Variants in FCHSD2 observed in about 807,000 individuals in gnomAD.
FCHSD2 encodes FCH and double SH3 domains 2, also known as F-BAR and double SH3 domains protein 2.
In FCHSD2, 38 loss-of-function variants were observed where a neutral mutation model predicts 108.1. That is an observed-to-expected ratio of 0.35 (90% CI 0.27 to 0.46). FCHSD2 has a LOEUF of 0.46. Ranked by LOEUF, FCHSD2 falls within the 20% of genes least tolerant of loss-of-function variation. FCHSD2 has a pLI of 1.00. For missense variants in FCHSD2, 751 were observed against 897.8 expected (o/e 0.84, Z 2.09); for synonymous variants, 279 against 314.7 (o/e 0.89, Z 1.20).
intron 4 of FCHSD2, among the ~76,000 whole-genome samples, chr11:73,005,022 T>C (rs1565364379): frequency 6.6e-6 from 1 of 152,238 alleles, no homozygotes; most frequent in South Asian, 2.1e-4. Context: ...ACCTGTGCTC[T>C]GAAGGCCAAC....
intron 3 of FCHSD2, among the ~76,000 whole-genome samples, chr11:73,067,831 C>CA (rs1017553999): frequency 3.3e-5 from 5 of 152,172 alleles, no homozygotes; most frequent in Non-Finnish European, 7.4e-5. Context: ...TTATGAGGTA[C>CA]CTGCATTAGT....
chr11:73,139,582 A>G (rs773388734), intron 2 of FCHSD2, among the ~76,000 whole-genome samples: 3 of 152,324 alleles, frequency 2.0e-5, no homozygotes, highest in Non-Finnish European at 4.4e-5. Flanking sequence ...TTGGCACTCA[A>G]AAACAAAGTT....
At chr11:73,116,446 A>T (rs1860602765) in intron 2 of FCHSD2, among the ~76,000 whole-genome samples, 2 of 152,190 alleles carry the variant, frequency 1.3e-5, no homozygotes, top group Non-Finnish European at 2.9e-5. Context: ...ACATTCCATA[A>T]AATAAGTATT....
At chr11:72,902,982 G>C (rs1217183811) in intron 9 of FCHSD2, among the ~76,000 whole-genome samples, 1 of 152,066 alleles carries the variant, frequency 6.6e-6, no homozygotes, top group African/African-American at 2.4e-5. Flanking sequence ...GAAACACATT[G>C]GTCTTTGCCA....
intron 1 of FCHSD2, 80 bp downstream of exon 1, chr11:73,141,777 G>A: frequency 1.6e-5 from 23 of 1,425,640 alleles, no homozygotes; most frequent in Non-Finnish European, 2.0e-5. Flanking sequence ...GCGGGAGGGG[G>A]AAGGGGCGCA....
At chr11:73,032,213 T>C (rs1858377022) in intron 3 of FCHSD2, among the ~76,000 whole-genome samples, 1 of 152,186 alleles carries the variant, frequency 6.6e-6, no homozygotes, top group African/African-American at 2.4e-5. Context: ...TTATTCTTTA[T>C]ACCACTGGAT....
intron 8 of FCHSD2, among the ~76,000 whole-genome samples, chr11:72,970,557 T>C (rs768258969): frequency 6.6e-6 from 1 of 152,178 alleles, no homozygotes; most frequent in Admixed American, 6.5e-5. Flanking sequence ...ACTTAAAAAC[T>C]ATTGCTAGCA....
At chr11:72,852,903 A>G (rs1861328476) in intron 13 of FCHSD2, among the ~76,000 whole-genome samples, 1 of 152,152 alleles carries the variant, frequency 6.6e-6, no homozygotes, top group East Asian at 1.9e-4. Flanking sequence ...AAAACCAAAT[A>G]CTGCATGTTC....
At chr11:73,096,962 C>G (rs1003293770) in intron 2 of FCHSD2, among the ~76,000 whole-genome samples, 1 of 90,510 alleles carries the variant, frequency 1.1e-5, no homozygotes, top group Non-Finnish European at 2.1e-5. Context: ...CTTCCTCTTA[C>G]TAATGTGATG....
intron 1 of FCHSD2, 105 bp downstream of exon 1, chr11:73,141,752 C>T (rs924827708): frequency 3.3e-6 from 4 of 1,219,282 alleles, no homozygotes; most frequent in Non-Finnish European, 4.5e-6. Flanking sequence ...AAGACGAGGG[C>T]GGTCACGGCC....
chr11:72,849,689 G>C, intron 14 of FCHSD2, 66 bp downstream of exon 14: 1 of 1,228,426 alleles, frequency 8.1e-7, no homozygotes, highest in Middle Eastern at 2.0e-4. Flanking sequence ...AGACTGGATG[G>C]ATACAGTCAT....
intron 8 of FCHSD2, among the ~76,000 whole-genome samples, chr11:72,946,907 G>A (rs1376628813): frequency 6.6e-6 from 1 of 152,202 alleles, no homozygotes; most frequent in African/African-American, 2.4e-5. Context: ...GGACAAAAAT[G>A]ACTGCCTGCC....
At chr11:73,033,857 T>C (rs1858424467) in intron 3 of FCHSD2, among the ~76,000 whole-genome samples, 1 of 152,194 alleles carries the variant, frequency 6.6e-6, no homozygotes, top group Admixed American at 6.5e-5. Flanking sequence ...ACTAGTATAC[T>C]GTATTTACCT....
intron 2 of FCHSD2, among the ~76,000 whole-genome samples, chr11:73,126,669 T>C (rs1043554341): frequency 6.6e-6 from 1 of 152,194 alleles, no homozygotes; most frequent in African/African-American, 2.4e-5. Context: ...CCAATATTAC[T>C]GAATCATTAA....
chr11:72,914,598 C>T (rs1349575829), intron 9 of FCHSD2, among the ~76,000 whole-genome samples: 4 of 152,130 alleles, frequency 2.6e-5, no homozygotes, highest in Non-Finnish European at 5.9e-5. Context: ...CTAAAACCAC[C>T]TGATCTTCAA....
chr11:73,019,456 T>C (rs1858049014), intron 3 of FCHSD2, among the ~76,000 whole-genome samples: 1 of 152,234 alleles, frequency 6.6e-6, no homozygotes, highest in Non-Finnish European at 1.5e-5. Flanking sequence ...TTATCTATTT[T>C]TTTAAATTAT....
At chr11:72,886,919 C>T (rs1439341337) in intron 12 of FCHSD2, among the ~76,000 whole-genome samples, 2 of 152,020 alleles carry the variant, frequency 1.3e-5, no homozygotes, top group Non-Finnish European at 2.9e-5. Flanking sequence ...TTTCATACAA[C>T]CCTCAAAGGT....
chr11:73,081,963 G>T (rs1406880292), intron 3 of FCHSD2, among the ~76,000 whole-genome samples: 1 of 152,098 alleles, frequency 6.6e-6, no homozygotes, highest in Non-Finnish European at 1.5e-5. Context: ...AGCACTTAGG[G>T]AGGCTGAGGT....
rs530633398 is a variant in FCHSD2, at chr11:72,850,707, A to T, written c.1309-818T>A. 2.0e-5 allele frequency among the ~76,000 whole-genome samples: 3 copies of T among 152,250 alleles called. No individual in the cohort carries two copies. The South Asian group carries it at 6.2e-4, about 32-fold the overall frequency. ...GAAGTTTCTGTCAAATATGTAAGAA[A>T]TATTTATCAGTATCCTTTCACTTTT... On this transcript the variant is annotated intron_variant, in intron 13 of 19. Transcript: ENST00000409418.
Sources: gnomAD v4.1 joint callset for allele counts (sites outside exome capture counted in the v4.1 genomes callset) on GRCh38, gnomAD v4.1.1 for gene constraint, MANE v1.5 for transcripts, NCBI Gene and HGNC (gene_info 2026-07-23, HGNC 2026-07-21) for gene names.